Variants in ARL8B observed in about 807,000 individuals in gnomAD.
ARL8B encodes the protein ADP-ribosylation factor-like protein 8B.
A neutral mutation model predicts 30.6 loss-of-function variants in ARL8B; 9 were observed. The ratio of observed to expected loss-of-function variants is 0.29; its 90% CI spans 0.18 to 0.51. The LOEUF (loss-of-function observed/expected upper bound fraction) is 0.51. ARL8B is among the 20% of genes least tolerant of loss of function. ARL8B has a pLI of 0.97. For missense variants in ARL8B, 130 were observed against 227.2 expected (o/e 0.57, Z 2.75); for synonymous variants, 74 against 76.0 (o/e 0.97, Z 0.14).
chr3:5,141,837 G>A (rs1575563032), intron 1 of ARL8B, among the ~76,000 whole-genome samples: 3 of 152,166 alleles, frequency 2.0e-5, no homozygotes, highest in South Asian at 4.2e-4. Flanking sequence ...TCCCTTTGAG[G>A]GTGTCCTGAG....
intron 1 of ARL8B, among the ~76,000 whole-genome samples, chr3:5,158,707 C>G (rs185870719): frequency 5.9e-5 from 9 of 152,196 alleles, no homozygotes; most frequent in Admixed American, 3.3e-4. Flanking sequence ...TAGAGTAATT[C>G]GAGAGCCACT....
chr3:5,177,123 G>GA (rs199845776), intron 6 of ARL8B, among the ~76,000 whole-genome samples: 87 of 149,234 alleles, frequency 5.8e-4, no homozygotes, highest in African/African-American at 1.1e-3. Flanking sequence ...GATACTTCCT[G>GA]AAAAAAAAAC....
chr3:5,157,737 T>C (rs919412333), intron 1 of ARL8B: 1 of 152,162 alleles, frequency 6.6e-6, no homozygotes, highest in Non-Finnish European at 1.5e-5. Flanking sequence ...CCCAACCTTA[T>C]CGCCCCCCAT....
rs115563594 is a variant in ARL8B at position 5,140,326 on chromosome 3, C to G, written c.123+17738C>G. 9.1e-3 allele frequency among the ~76,000 whole-genome samples: 1,392 copies of G among 152,208 alleles called. 24 individuals are homozygous for G. The highest frequency in any genetic ancestry group is 0.032 in the African/African-American group (1,342 of 41,506). ...TTTTTGAGGTAGTGAATAAGTCTCA[C>G]AAGATCTGTTGGTTTTGTGGTAAGG... is the stretch of plus-strand genomic sequence containing the variant. On this transcript the variant is annotated intron_variant, in intron 1 of 6. Coordinates refer to ENST00000256496, the MANE Select transcript of ARL8B (RefSeq NM_018184.3).
intron 2 of ARL8B, 87 bp from the exon 3 acceptor site, chr3:5,172,063 C>T (rs1007116032): frequency 1.6e-6 from 2 of 1,269,354 alleles, no homozygotes; most frequent in African/African-American, 3.0e-5. Flanking sequence ...AATATATCTT[C>T]CCGATCTTTC....
chr3:5,135,053 T>G (rs1216857957), intron 1 of ARL8B, among the ~76,000 whole-genome samples: 1 of 152,176 alleles, frequency 6.6e-6, no homozygotes, highest in South Asian at 2.1e-4. Flanking sequence ...TTCGCCATGT[T>G]GGCCAGGCTG....
intron 1 of ARL8B, among the ~76,000 whole-genome samples, chr3:5,153,489 G>T (rs992354254): frequency 6.6e-6 from 1 of 152,014 alleles, no homozygotes; most frequent in Non-Finnish European, 1.5e-5. Context: ...CAGCCACATG[G>T]AACTGTTAAA....
intron 1 of ARL8B, among the ~76,000 whole-genome samples, chr3:5,164,941 C>T (rs1390215981): frequency 6.6e-6 from 1 of 152,078 alleles, no homozygotes; most frequent in Non-Finnish European, 1.5e-5. Context: ...GAGTGTTCCT[C>T]GTTTTGGGTT....
chr3:5,124,296 A>G (rs1312985267), intron 1 of ARL8B, among the ~76,000 whole-genome samples: 2 of 132,230 alleles, frequency 1.5e-5, no homozygotes, highest in Non-Finnish European at 3.1e-5. Context: ...TGGTAGAGAC[A>G]AGATCTTCCT....
intron 1 of ARL8B, among the ~76,000 whole-genome samples, chr3:5,124,015 A>G (rs1350169217): frequency 1.3e-5 from 2 of 152,106 alleles, no homozygotes; most frequent in South Asian, 2.1e-4. Context: ...CTGGGATTAC[A>G]GACGTCCTCC....
intron 1 of ARL8B, among the ~76,000 whole-genome samples, chr3:5,141,183 C>T (rs55885779): frequency 0.11 from 16,567 of 152,194 alleles, 1,638 homozygotes; most frequent in African/African-American, 0.26. Context: ...TCATGACCTT[C>T]TGGGTGCATG....
intron 6 of ARL8B, among the ~76,000 whole-genome samples, chr3:5,174,905 C>G (rs1196890116): frequency 6.6e-6 from 1 of 151,696 alleles, no homozygotes. Context: ...TGGGTTAAAG[C>G]GATTCTTGTG....
chr3:5,174,714 T>C (rs954331601), intron 6 of ARL8B, among the ~76,000 whole-genome samples: 11 of 144,520 alleles, frequency 7.6e-5, no homozygotes, highest in South Asian at 4.2e-4. Flanking sequence ...ATGTAATATG[T>C]ATTATATATT....
At chr3:5,172,309 AT>A in intron 3 of ARL8B, 86 bp downstream of exon 3, 1 of 1,170,524 alleles carries the variant, frequency 8.5e-7, no homozygotes, top group Non-Finnish European at 1.2e-6. Flanking sequence ...CAGAGGCTCA[AT>A]TTTTATCTCA....
chr3:5,172,231 GTT>G lies in ARL8B; in HGVS notation c.278+16_278+17del. ...AGGAGTCAATGCTATTGTGTAAGTG[GTT>G]TTTTTTTGTTTGTTTGCTTTTAAAT... On this transcript the variant is annotated intron_variant, in intron 3 of 6. Coordinates refer to ENST00000256496, the MANE Select transcript of ARL8B (RefSeq NM_018184.3). 6.9e-6 allele frequency: 11 copies of G among 1,589,378 alleles called. No homozygotes were observed. The highest frequency in any genetic ancestry group is 7.7e-6 in the Non-Finnish European group (9 of 1,165,842).
In ARL8B at chr3:5,179,848, GTTGT is replaced by G. The variant is rs1256161003; in HGVS notation, c.*1138_*1141del. The G allele has an allele frequency of 6.6e-6, 1 of 152,418 alleles. No homozygotes were observed. Among genetic ancestry groups the G allele is most frequent in the Non-Finnish European group, 1.5e-5 (1 of 68,042 alleles). 9.4% of individuals were successfully genotyped at this position (152,418 alleles called of 1,614,324 possible). ...ATGTAATCATGCTCAATGTCTACAG[GTTGT>G]TTAATAATCAGTCACACAGAGAACT... On this transcript the variant is annotated 3_prime_UTR_variant, in exon 7 of 7. Transcript: ENST00000256496.
rs2054189493 is a variant in ARL8B, at chr3:5,122,381, G to A, written c.-85G>A. 1 of 1,590,646 alleles carries A rather than the reference G, an allele frequency of 6.3e-7. No homozygotes were observed. Among genetic ancestry groups the A allele is most frequent in the Non-Finnish European group, 8.5e-7 (1 of 1,170,206 alleles). On this transcript the variant is annotated 5_prime_UTR_variant, in exon 1 of 7. Transcript: ENST00000256496. The stretch of plus-strand genomic sequence containing the variant: ...CGGGGCACCAAGGAGCCGTTGGAGG[G>A]TCCGGGCGGAGGCCCGCTCGTGTGG...
At chr3:5,165,564 T>C (rs944407690) in intron 1 of ARL8B, among the ~76,000 whole-genome samples, 7 of 152,084 alleles carry the variant, frequency 4.6e-5, no homozygotes, top group African/African-American at 1.7e-4. Flanking sequence ...TTCTGTACTG[T>C]ACCAAAGGAA....
chr3:5,135,681 A>G (rs1187730475), intron 1 of ARL8B, among the ~76,000 whole-genome samples: 1 of 150,228 alleles, frequency 6.7e-6, no homozygotes, highest in Non-Finnish European at 1.5e-5. Context: ...CTGGTCTCAA[A>G]CTCCTGACGT....
Sources: gnomAD v4.1 joint callset for allele counts (sites outside exome capture counted in the v4.1 genomes callset) on GRCh38, gnomAD v4.1.1 for gene constraint, MANE v1.5 for transcripts, NCBI Gene and HGNC (gene_info 2026-07-23, HGNC 2026-07-21) for gene names.